KCNH7: variants seen among roughly 807,000 people sequenced by gnomAD.
KCNH7 encodes the protein potassium voltage-gated channel subfamily H member 7.
In KCNH7, 49 loss-of-function variants were observed where a neutral mutation model predicts 120.8. That is an observed-to-expected ratio of 0.41 (90% CI 0.32 to 0.51). The LOEUF (loss-of-function observed/expected upper bound fraction) is 0.51. KCNH7 is among the 20% of genes least tolerant of loss of function. KCNH7 has a pLI of 0.38. For synonymous variants in KCNH7, 547 were observed against 516.1 expected (o/e 1.06, Z -0.81); for missense variants, 1,097 against 1,446.6 (o/e 0.76, Z 3.92).
chr2:162,820,314 A>G (rs1246094017), intron 2 of KCNH7, among the ~76,000 whole-genome samples: 1 of 149,034 alleles, frequency 6.7e-6, no homozygotes, highest in Non-Finnish European at 1.5e-5. Flanking sequence ...TGACCTCGTG[A>G]TCCGCCTGCC....
chr2:162,457,972 AAT>A (rs1689024338), intron 6 of KCNH7, among the ~76,000 whole-genome samples: 1 of 152,182 alleles, frequency 6.6e-6, no homozygotes, highest in Admixed American at 6.5e-5. Context: ...TCACACAATA[AAT>A]CAAAGATGTC....
intron 9 of KCNH7, among the ~76,000 whole-genome samples, chr2:162,419,241 T>C (rs1687628017): frequency 7.0e-6 from 1 of 143,364 alleles, no homozygotes; most frequent in Non-Finnish European, 1.5e-5. Context: ...TCTATGTCTG[T>C]CTCTCAAAAT....
intron 6 of KCNH7, among the ~76,000 whole-genome samples, chr2:162,456,561 T>C (rs1032842228): frequency 5.3e-5 from 8 of 152,064 alleles, no homozygotes; most frequent in African/African-American, 1.9e-4. Flanking sequence ...TGAATATCCT[T>C]GTTAATTTTG....
chr2:162,508,193 TA>T (rs1241307713), intron 5 of KCNH7, among the ~76,000 whole-genome samples: 4 of 151,496 alleles, frequency 2.6e-5, no homozygotes, highest in Non-Finnish European at 5.9e-5. Context: ...TTGGATCTGA[TA>T]TGATTGAGAA....
intron 2 of KCNH7, among the ~76,000 whole-genome samples, chr2:162,554,023 A>T (rs547981464): frequency 1.9e-4 from 29 of 152,346 alleles, no homozygotes; most frequent in African/African-American, 6.7e-4. Flanking sequence ...ATTTCCTCCC[A>T]TGCCTGGATC....
chr2:162,680,462 C>T (rs16847103), intron 2 of KCNH7, among the ~76,000 whole-genome samples: 19,872 of 151,436 alleles, frequency 0.13, 1,503 homozygotes, highest in East Asian at 0.34. Context: ...TTGTTTTTCC[C>T]GTAGCAATAG....
intron 2 of KCNH7, among the ~76,000 whole-genome samples, chr2:162,802,787 T>C (rs1458530251): frequency 6.6e-6 from 1 of 151,764 alleles, no homozygotes; most frequent in Non-Finnish European, 1.5e-5. Flanking sequence ...AAAGAACATC[T>C]CAATTCAGAA....
At position 162,518,090 on chromosome 2, in the gene KCNH7, C is replaced by G; in HGVS notation, c.532G>C (p.Glu178Gln). ...LTYRKQSLPQ[E>Q]DPDVVVIDSS... Reference sequence around the variant, plus strand: ...TCGATGACCACCACATCGGGGTCTTCTTGTGGTAAGGACTGCTTTCTGTAA... The same window carrying G: ...TCGATGACCACCACATCGGGGTCTTGTTGTGGTAAGGACTGCTTTCTGTAA... The change falls in exon 4 of 16, where the codon GAA (glutamate) becomes CAA (glutamine). Residue 178 changes from glutamate (E) to glutamine (Q), a missense_variant. Physicochemically the swap from Glu to Gln is conservative, Grantham distance 29 (BLOSUM62 2). Coordinates refer to ENST00000332142, the MANE Select transcript of KCNH7 (RefSeq NM_033272.4). 6.2e-7 allele frequency: 1 copy of G among 1,612,220 alleles called. No individual in the cohort carries two copies. The highest frequency in any genetic ancestry group is 1.1e-5 in the South Asian group (1 of 91,044).
At chr2:162,440,553 T>C (rs867339520) in intron 7 of KCNH7, among the ~76,000 whole-genome samples, 2 of 152,044 alleles carry the variant, frequency 1.3e-5, no homozygotes, top group Non-Finnish European at 2.9e-5. Context: ...AACCACATCA[T>C]TGCAATATTT....
intron 2 of KCNH7, among the ~76,000 whole-genome samples, chr2:162,633,848 C>A (rs2105222294): frequency 6.6e-6 from 1 of 152,082 alleles, no homozygotes. Flanking sequence ...CCTAGAAATT[C>A]TCCACAGGCC....
At chr2:162,528,411 C>T (rs1203759089) in intron 3 of KCNH7, 2 of 151,958 alleles carry the variant, frequency 1.3e-5, no homozygotes, top group East Asian at 3.9e-4. Context: ...GTATTATGAT[C>T]TCACAGGACC....
At chr2:162,836,388 T>G (rs1275686263) in intron 2 of KCNH7, 149 bp downstream of exon 2, 2 of 630,114 alleles carry the variant, frequency 3.2e-6, no homozygotes, top group African/African-American at 3.7e-5. Context: ...CTAATCAGAA[T>G]ACCCATATAT....
At chr2:162,578,092 C>T (rs1039897651) in intron 2 of KCNH7, among the ~76,000 whole-genome samples, 2 of 151,918 alleles carry the variant, frequency 1.3e-5, no homozygotes, top group African/African-American at 4.8e-5. Context: ...GGAGACAAGC[C>T]CCTAGGCTAC....
At chr2:162,774,084 G>A (rs1411186014) in intron 2 of KCNH7, among the ~76,000 whole-genome samples, 1 of 152,040 alleles carries the variant, frequency 6.6e-6, no homozygotes, top group African/African-American at 2.4e-5. Flanking sequence ...GGGAGAGTAA[G>A]TTCAAGGGAT....
At chr2:162,636,046 C>T (rs185930683) in intron 2 of KCNH7, among the ~76,000 whole-genome samples, 2 of 152,156 alleles carry the variant, frequency 1.3e-5, no homozygotes, top group Admixed American at 6.6e-5. Context: ...CTTTTTGACA[C>T]CTACTTTGGT....
At chr2:162,811,350 T>C (rs1684727508) in intron 2 of KCNH7, among the ~76,000 whole-genome samples, 2 of 152,268 alleles carry the variant, frequency 1.3e-5, no homozygotes, top group African/African-American at 2.4e-5. Context: ...AACAACATTA[T>C]GAAAAGGTTA....
intron 2 of KCNH7, among the ~76,000 whole-genome samples, chr2:162,688,276 G>T (rs1002724340): frequency 5.3e-5 from 8 of 152,026 alleles, no homozygotes; most frequent in Admixed American, 2.0e-4. Context: ...ATTTATTCCT[G>T]AACATATGTT....
intron 3 of KCNH7, among the ~76,000 whole-genome samples, chr2:162,533,593 G>A (rs1692007651): frequency 6.6e-6 from 1 of 151,622 alleles, no homozygotes; most frequent in African/African-American, 2.4e-5. Flanking sequence ...AATGCTAAAT[G>A]CTAATTTATA....
intron 2 of KCNH7, among the ~76,000 whole-genome samples, chr2:162,681,389 G>A (rs973153897): frequency 6.6e-6 from 1 of 151,726 alleles, no homozygotes; most frequent in East Asian, 1.9e-4. Flanking sequence ...AGGGCTTATG[G>A]TGATATTCTC....
Sources: allele counts gnomAD v4.1 joint callset (sites outside exome capture counted in the v4.1 genomes callset), GRCh38; gene constraint gnomAD v4.1.1; transcripts MANE v1.5; gene names NCBI Gene and HGNC (gene_info 2026-07-23, HGNC 2026-07-21).